CAMTA1: variants seen among roughly 807,000 people sequenced by gnomAD.
CAMTA1 encodes the protein calmodulin-binding transcription activator 1.
Under a neutral mutation model 170.9 loss-of-function variants are expected in CAMTA1, and 27 were observed. The ratio of observed to expected loss-of-function variants is 0.16; its 90% CI spans 0.12 to 0.22. The LOEUF (loss-of-function observed/expected upper bound fraction) is 0.22, where lower values mean the gene tolerates loss of function less well. Ranked by LOEUF, CAMTA1 falls within the 10% of genes least tolerant of loss-of-function variation. The pLI is 1.00. For missense variants in CAMTA1, 1,619 were observed against 2,217.2 expected (o/e 0.73, Z 5.42); for synonymous variants, 833 against 891.5 (o/e 0.93, Z 1.17).
rs753277018 is a variant in CAMTA1, at chr1:6,825,046, AT to A, written c.116-42del. On this transcript the variant is annotated intron_variant, in intron 2 of 22. Coordinates refer to ENST00000303635, the MANE Select transcript of CAMTA1 (RefSeq NM_015215.4). ...ACTTTGTCAGTGTACTTTAAAGGAG[AT>A]TTTATCTATTATTTTCTCTAAATTT... 9 of 1,169,910 alleles carry A rather than the reference AT, an allele frequency of 7.7e-6. No homozygotes were observed. The African/African-American group carries it at 1.2e-4, about 16-fold the overall frequency. 72.5% of individuals were successfully genotyped at this position (1,169,910 alleles called of 1,614,324 possible).
At chr1:7,492,068 C>T (rs1027545454) in intron 6 of CAMTA1, among the ~76,000 whole-genome samples, 4 of 152,122 alleles carry the variant, frequency 2.6e-5, no homozygotes, top group African/African-American at 9.7e-5. Context: ...GTCGAGGAAA[C>T]CTGTCTAGGA....
chr1:6,809,092 T>C (rs923018215), intron 1 of CAMTA1, among the ~76,000 whole-genome samples: 1 of 151,386 alleles, frequency 6.6e-6, no homozygotes, highest in Non-Finnish European at 1.5e-5. Context: ...AATGGCATGG[T>C]CTCAGCTCAC....
In CAMTA1 at chr1:7,121,486, A is replaced by T. The variant is rs1019941180; in HGVS notation, c.302+30115A>T. Among the ~76,000 whole-genome samples the T allele has an allele frequency of 1.6e-4, 24 of 152,244 alleles. 1 individual carries two copies. Among genetic ancestry groups the T allele is most frequent in the African/African-American group, 5.5e-4 (23 of 41,460 alleles). ...CACTTTCCCACAGAAATGGTCAGTC[A>T]CAAAAGAACTGGAGAACTCTTGCGG... On this transcript the variant is annotated intron_variant, in intron 4 of 22. Coordinates refer to ENST00000303635, the MANE Select transcript of CAMTA1 (RefSeq NM_015215.4).
At position 7,579,514 on chromosome 1, in the gene CAMTA1, G is replaced by C. The variant is rs577711572; in HGVS notation, c.511-60886G>C. 1.5e-3 allele frequency among the ~76,000 whole-genome samples: 225 copies of C among 147,588 alleles called. 1 individual carries two copies. Among genetic ancestry groups the C allele is most frequent in the Admixed American group, 6.0e-4 (9 of 14,884 alleles). The stretch of plus-strand genomic sequence containing the variant: ...AGGTGGCAAGCCAAGAGGTCCATTT[G>C]GTTTTGCTCTAAGGTCCACTTTCTT... On this transcript the variant is annotated intron_variant, in intron 6 of 22. Transcript: ENST00000303635.
chr1:7,062,164 C>T (rs999219485), intron 3 of CAMTA1, among the ~76,000 whole-genome samples: 2 of 152,034 alleles, frequency 1.3e-5, no homozygotes, highest in South Asian at 2.1e-4. Context: ...GCGATCCACC[C>T]GCCATGGCCT....
At chr1:7,741,455 G>A (rs1356065617) in intron 16 of CAMTA1, among the ~76,000 whole-genome samples, 1 of 152,090 alleles carries the variant, frequency 6.6e-6, no homozygotes, top group East Asian at 1.9e-4. Context: ...CCCAGTACTC[G>A]GGAGGCTGAG....
intron 5 of CAMTA1, among the ~76,000 whole-genome samples, chr1:7,402,847 TCAGA>T (rs2090006490): frequency 6.6e-6 from 1 of 152,220 alleles, no homozygotes. Context: ...TGTCTCTTTC[TCAGA>T]CAGTGTCCCT....
At chr1:7,324,361 A>G (rs974093395) in intron 5 of CAMTA1, among the ~76,000 whole-genome samples, 2 of 151,874 alleles carry the variant, frequency 1.3e-5, no homozygotes, top group African/African-American at 2.4e-5. Flanking sequence ...TGTTTTCACT[A>G]TTCCAGGTTT....
chr1:7,638,322 A>G (rs2095731425), intron 6 of CAMTA1, among the ~76,000 whole-genome samples: 1 of 152,142 alleles, frequency 6.6e-6, no homozygotes, highest in Admixed American at 6.5e-5. Context: ...ATATCCTGCC[A>G]TGTTTCCTTA....
At chr1:7,070,147 G>A (rs1230725237) in intron 3 of CAMTA1, among the ~76,000 whole-genome samples, 1 of 152,214 alleles carries the variant, frequency 6.6e-6, no homozygotes, top group Non-Finnish European at 1.5e-5. Flanking sequence ...AGCCTCAGGG[G>A]CTGCACTGGC....
At chr1:7,712,654 G>A (rs555895081) in intron 11 of CAMTA1, among the ~76,000 whole-genome samples, 6 of 152,324 alleles carry the variant, frequency 3.9e-5, no homozygotes, top group Admixed American at 3.9e-4. Context: ...AACAAAGAGA[G>A]TGAAAGAAAT....
At chr1:7,640,340 G>A (rs932219998) in intron 6 of CAMTA1, 60 bp from the exon 7 acceptor site, 2 of 1,597,314 alleles carry the variant, frequency 1.3e-6, no homozygotes, top group Non-Finnish European at 1.7e-6. Context: ...GTTGGGGGCG[G>A]CCCTGACCCT....
At chr1:7,104,369 TACACACAC>T (rs35873712) in intron 4 of CAMTA1, among the ~76,000 whole-genome samples, 2 of 150,860 alleles carry the variant, frequency 1.3e-5, no homozygotes, top group Admixed American at 6.6e-5. Context: ...TCAATACACA[TACACACAC>T]ACACACACAC....
chr1:7,148,563 G>C (rs1646380735), intron 4 of CAMTA1, among the ~76,000 whole-genome samples: 1 of 152,144 alleles, frequency 6.6e-6, no homozygotes, highest in Admixed American at 6.6e-5. Flanking sequence ...GGGGGGAGTG[G>C]GTCCAGTCCC....
intron 3 of CAMTA1, among the ~76,000 whole-genome samples, chr1:6,958,474 G>C (rs978780790): frequency 5.3e-5 from 8 of 152,116 alleles, no homozygotes; most frequent in African/African-American, 1.9e-4. Flanking sequence ...TGAATTTCCA[G>C]GCATCTCCCT....
chr1:7,177,250 C>T (rs549744993), intron 4 of CAMTA1, among the ~76,000 whole-genome samples: 1 of 152,024 alleles, frequency 6.6e-6, no homozygotes, highest in Admixed American at 6.5e-5. Flanking sequence ...AGTCCCCTCC[C>T]ACACACTAAG....
At chr1:7,104,483 G>A (rs890267528) in intron 4 of CAMTA1, among the ~76,000 whole-genome samples, 16 of 152,152 alleles carry the variant, frequency 1.1e-4, no homozygotes, top group South Asian at 2.1e-4. Context: ...CAGCAAAGAC[G>A]CCGTGGAGTC....
At position 6,835,496 on chromosome 1, in the gene CAMTA1, G is replaced by T. The variant is rs547775050; in HGVS notation, c.234+10286G>T. Among the ~76,000 whole-genome samples the T allele has an allele frequency of 5.9e-5, 9 of 152,350 alleles. No homozygotes were observed. The East Asian group carries it at 1.7e-3, about 29-fold the overall frequency. ...TGAGTGGATTTAGGCTTGAGCTGGA[G>T]TCAGAATCACCTGGGAGGCTTGTTC... On this transcript the variant is annotated intron_variant, in intron 3 of 22. Transcript: ENST00000303635.
intron 3 of CAMTA1, among the ~76,000 whole-genome samples, chr1:6,955,864 C>T (rs747430374): frequency 1.3e-5 from 2 of 152,144 alleles, no homozygotes; most frequent in Non-Finnish European, 2.9e-5. Flanking sequence ...AGAGTCAAGG[C>T]TGTCAGAGGG....
Sources: gnomAD v4.1 joint callset for allele counts (sites outside exome capture counted in the v4.1 genomes callset) on GRCh38, gnomAD v4.1.1 for gene constraint, MANE v1.5 for transcripts, NCBI Gene and HGNC (gene_info 2026-07-23, HGNC 2026-07-21) for gene names.